The following SYNJ2 variants were observed in gnomAD, a reference collection of about 807,000 sequenced individuals.
The protein encoded by SYNJ2 is synaptojanin 2.
SYNJ2 carries 116 observed loss-of-function variants against 141.3 expected under a neutral mutation model. The ratio of observed to expected loss-of-function variants is 0.82; its 90% CI spans 0.71 to 0.96. The LOEUF (loss-of-function observed/expected upper bound fraction) is 0.96. SYNJ2 is among the 40% of genes least tolerant of loss of function. SYNJ2 has a pLI of 0.00. For missense variants in SYNJ2, 1,873 were observed against 1,934.8 expected, an observed-to-expected ratio of 0.97 and a Z score of 0.60; for synonymous variants, 745 against 777.7, an observed-to-expected ratio of 0.96 and a Z score of 0.70.
chr6:157,996,267 G>A (rs1019790893), intron 1 of SYNJ2, among the ~76,000 whole-genome samples: 1 of 151,904 alleles, frequency 6.6e-6, no homozygotes, highest in Admixed American at 6.6e-5. Context: ...AGCCAGTAGT[G>A]AATCCCACCC....
Position 158,040,077 on chromosome 6 carries a change from G to A in SYNJ2, c.712-3239G>A, listed in dbSNP as rs1343707960. Among the ~76,000 whole-genome samples, 1 of 152,196 alleles carries A rather than the reference G, an allele frequency of 6.6e-6. No individual in the cohort carries two copies. The highest frequency in any genetic ancestry group is 1.5e-5 in the Non-Finnish European group (1 of 68,034). The stretch of plus-strand genomic sequence containing the variant: ...TAATTCTCAGGAAGCCAGAAAAGGG[G>A]GACCCTGTGGCACCCTCTGCTTTTG... On this transcript the variant is annotated intron_variant, in intron 4 of 26. Transcript: ENST00000355585. The surrounding 1 kb of genome is among the most constrained non-coding windows in gnomAD (Gnocchi z 4.2).
At chr6:158,069,387 A>G (rs1781769909) in intron 13 of SYNJ2, 146 bp from the exon 14 acceptor site, 2 of 1,044,702 alleles carry the variant, frequency 1.9e-6, no homozygotes, top group African/African-American at 1.6e-5. Context: ...CAGTAGAAGA[A>G]GGAAAGCATG....
chr6:158,039,798 C>CTGTG (rs1470009947), intron 4 of SYNJ2, among the ~76,000 whole-genome samples: 51 of 152,204 alleles, frequency 3.4e-4, no homozygotes, highest in African/African-American at 1.2e-3. Context: ...TAGTGCTGAG[C>CTGTG]CTCCAGTAGG....
At chr6:158,054,048 A>G (rs978488331) in intron 5 of SYNJ2, among the ~76,000 whole-genome samples, 2 of 143,552 alleles carry the variant, frequency 1.4e-5, no homozygotes, top group Non-Finnish European at 3.0e-5. Context: ...CCATCCCCCC[A>G]TTCATCCATC....
chr6:158,000,715 C>G (rs1051366529), intron 1 of SYNJ2, among the ~76,000 whole-genome samples: 1 of 152,126 alleles, frequency 6.6e-6, no homozygotes, highest in Non-Finnish European at 1.5e-5. Flanking sequence ...CACCCCTGAC[C>G]TACCCGCACC....
chr6:158,063,961 G>A (rs1781394571), intron 9 of SYNJ2, 89 bp downstream of exon 9: 1 of 1,367,976 alleles, frequency 7.3e-7, no homozygotes, highest in African/African-American at 1.4e-5. Context: ...TTAGCGGCAA[G>A]ATGAGGGTGG....
At chr6:158,026,390 A>T (rs1424548311) in intron 2 of SYNJ2, among the ~76,000 whole-genome samples, 2 of 152,144 alleles carry the variant, frequency 1.3e-5, no homozygotes, top group Admixed American at 6.5e-5. Flanking sequence ...CCTCCCTGTG[A>T]GATGGGGCTG....
At chr6:158,036,731 C>T (rs528488465) in intron 4 of SYNJ2, among the ~76,000 whole-genome samples, 105 of 152,238 alleles carry the variant, frequency 6.9e-4, no homozygotes, top group African/African-American at 2.4e-3. Context: ...ACATAACATG[C>T]GTTTACCTAT....
Position 157,993,900 on chromosome 6 carries a change from C to T in SYNJ2, c.127+11812C>T, listed in dbSNP as rs557884995. ...AGCTACCTCGGCTCACTGCAAGCTC[C>T]GCCTCCCTGGTTCACACCATTCTCC... On this transcript the variant is annotated intron_variant, in intron 1 of 26. Transcript: ENST00000355585. 1.2e-4 allele frequency among the ~76,000 whole-genome samples: 18 copies of T among 146,998 alleles called. No individual in the cohort carries two copies. The East Asian group carries it at 2.6e-3, about 21-fold the overall frequency.
rs764312080 is a variant in SYNJ2, at chr6:158,095,954, T to TA, written c.4082dup (p.Tyr1361Ter). 6.2e-7 allele frequency: 1 copy of TA among 1,614,020 alleles called. No homozygotes were observed. Among genetic ancestry groups the TA allele is most frequent in the Admixed American group, 1.7e-5 (1 of 59,946 alleles). The stretch of plus-strand genomic sequence containing the variant: ...CAGCCAGCTTCTCCAGGGCCTCACT[T>TA]ACAATAGCAGTGACAGCCCCTCTGG... Reference protein sequence around the residue: ...SNSQLLQGLTYNSSDSPSGHP... With the variant: ...SNSQLLQGLT Residue 1361 changes from tyrosine to a stop codon, truncating the protein, a stop_gained and frameshift_variant, in exon 27 of 27, where the codon TAC (tyrosine) becomes TAAC (stop). Transcript: ENST00000355585. LOFTEE classifies it low-confidence loss of function (END_TRUNC).
chr6:157,986,494 C>T (rs988905241), intron 1 of SYNJ2, among the ~76,000 whole-genome samples: 5 of 152,102 alleles, frequency 3.3e-5, no homozygotes, highest in Non-Finnish European at 7.4e-5. Flanking sequence ...CCACCACGCC[C>T]GGCTAATATT....
Position 158,066,470 on chromosome 6 carries a change from A to G in SYNJ2, c.1552A>G (p.Thr518Ala). ...GACTCCCAGGATCCTGAAAGCTATG[A>G]CTGAGCGTCAGTCCGAATTCACAAA... is the stretch of plus-strand genomic sequence containing the variant. ...LVTPRILKAMTERQSEFTNFK... is the reference protein window; with the variant it reads ...LVTPRILKAMAERQSEFTNFK... Residue 518 changes from threonine to alanine, a missense_variant, in exon 12 of 27, where the codon ACT becomes GCT. Physicochemically the swap from Thr to Ala is moderately conservative, Grantham distance 58. Coordinates refer to ENST00000355585, the MANE Select transcript of SYNJ2 (RefSeq NM_003898.4). 1 of 1,614,112 alleles carries G rather than the reference A, an allele frequency of 6.2e-7. No homozygotes were observed. The highest frequency in any genetic ancestry group is 8.5e-7 in the Non-Finnish European group (1 of 1,180,028).
In SYNJ2 at chr6:158,051,403, C is replaced by T. The variant is rs113466928; in HGVS notation, c.796-3564C>T. On this transcript the variant is annotated intron_variant, in intron 5 of 26. Transcript: ENST00000355585. ...AGGGTGCAGGATGGAGCAGGCCTCT[C>T]GGTAGTGCGACCATGAAAGTTTTCA... Among the ~76,000 whole-genome samples the T allele has an allele frequency of 5.6e-3, 852 of 152,044 alleles. 6 individuals carry two copies. Among genetic ancestry groups the T allele is most frequent in the African/African-American group, 0.019 (805 of 41,478 alleles).
chr6:157,988,777 C>T lies in SYNJ2; in HGVS notation c.127+6689C>T, dbSNP rs150068284. Among the ~76,000 whole-genome samples, 8 of 152,252 alleles carry T rather than the reference C, an allele frequency of 5.3e-5. No individual in the cohort carries two copies. The East Asian group carries it at 1.5e-3, about 29-fold the overall frequency. On this transcript the variant is annotated intron_variant, in intron 1 of 26. Transcript: ENST00000355585. ...ATTTCTGGGCAGGGCTTGTTGGTGT[C>T]GTGGCCAGCTGTCCTCGAGGTGAAA...
chr6:158,078,480 C>T (rs1217580778), intron 18 of SYNJ2, 199 bp downstream of exon 18: 2 of 380,062 alleles, frequency 5.3e-6, no homozygotes, highest in Non-Finnish European at 9.5e-6. Flanking sequence ...TTAATCTTAG[C>T]ATTTTGTCAT....
At chr6:158,076,322 C>G (rs1782282687) in intron 16 of SYNJ2, among the ~76,000 whole-genome samples, 1 of 152,220 alleles carries the variant, frequency 6.6e-6, no homozygotes, top group African/African-American at 2.4e-5. Context: ...ATGAGCACCC[C>G]TGACCCGTGC....
At chr6:158,083,288 G>A in intron 20 of SYNJ2, 141 bp from the exon 21 acceptor site, 1 of 992,010 alleles carries the variant, frequency 1.0e-6, no homozygotes, top group East Asian at 2.6e-5. Context: ...CCTGCGTGAG[G>A]TCTGGACCCT....
chr6:158,073,180 T>A (rs1243014003), intron 15 of SYNJ2, among the ~76,000 whole-genome samples: 1 of 152,134 alleles, frequency 6.6e-6, no homozygotes, highest in Non-Finnish European at 1.5e-5. Context: ...TTGAGGGACC[T>A]ATTAACATTC....
chr6:158,057,331 G>A (rs549937953), intron 6 of SYNJ2, among the ~76,000 whole-genome samples: 4 of 151,810 alleles, frequency 2.6e-5, no homozygotes, highest in South Asian at 2.1e-4. Flanking sequence ...GGGTGCCAGC[G>A]CTCCCTTACG....
Sources: allele counts gnomAD v4.1 joint callset (sites outside exome capture counted in the v4.1 genomes callset), GRCh38; gene constraint gnomAD v4.1.1; non-coding constraint Gnocchi (gnomAD v3.1); transcripts MANE v1.5; gene names NCBI Gene and HGNC (gene_info 2026-07-23, HGNC 2026-07-21).